The following NUF2 variants were observed in gnomAD, a reference collection of about 807,000 sequenced individuals.
The protein encoded by NUF2 is NUF2 component of NDC80 kinetochore complex, also known as kinetochore protein Nuf2.
A neutral mutation model predicts 61.8 loss-of-function variants in NUF2; 34 were observed. The ratio of observed to expected loss-of-function variants is 0.55; its 90% CI spans 0.42 to 0.73. The LOEUF is 0.73. NUF2 is among the 30% of genes least tolerant of loss of function. The pLI is 0.00. For missense variants in NUF2, 445 were observed against 539.1 expected (o/e 0.83, Z 1.73); for synonymous variants, 172 against 181.6 (o/e 0.95, Z 0.42).
Position 163,328,893 on chromosome 1 carries a change from A to G in NUF2, c.323A>G (p.Asp108Gly). 6.3e-7 allele frequency: 1 copy of G among 1,599,260 alleles called. No homozygotes were observed. Among genetic ancestry groups the G allele is most frequent in the Non-Finnish European group, 8.6e-7 (1 of 1,167,742 alleles). The change falls in exon 5 of 14, where the codon GAT (aspartate) becomes GGT (glycine). Residue 108 changes from aspartate (D) to glycine (G), a missense_variant. Coordinates refer to ENST00000271452, the MANE Select transcript of NUF2 (RefSeq NM_145697.3). ...CGGGTGAATGACTTTGAGACTGCTG[A>G]TATTCTATGTCCAAGTAAGTGAGAA... is the stretch of plus-strand genomic sequence containing the variant. ...ICRVNDFETA[D>G]ILCPKAKRTS...
Position 163,351,807 on chromosome 1 carries a change from G to A in NUF2, c.1260+2727G>A, listed in dbSNP as rs541131907. Reference sequence around the variant, plus strand: ...AATCATCCTTCATGAAAAGAAAAAAGGATATGATTGCCAAATTGTTCTTTG... The same window carrying A: ...AATCATCCTTCATGAAAAGAAAAAAAGATATGATTGCCAAATTGTTCTTTG... On this transcript the variant is annotated intron_variant, in intron 13 of 13. Coordinates refer to ENST00000271452, the MANE Select transcript of NUF2 (RefSeq NM_145697.3). Among the ~76,000 whole-genome samples, 161 of 152,186 alleles carry A rather than the reference G, an allele frequency of 1.1e-3. 1 individual carries two copies. Among genetic ancestry groups the A allele is most frequent in the African/African-American group, 3.6e-3 (151 of 41,520 alleles).
rs144568103 is a variant in NUF2, at chr1:163,338,052, C to T, written c.468C>T (p.Asn156=). ...CTGCGGACAAAATGCAACAGTTAAACGCCGCACACCAGGAGGCATTAATGA... is the reference window on the plus strand; with the variant it reads ...CTGCGGACAAAATGCAACAGTTAAATGCCGCACACCAGGAGGCATTAATGA... ...KSSADKMQQL[N]AAHQEALMKL... is the part of the protein sequence containing the mutation. The change falls in exon 7 of 14, where the codon AAC becomes AAT. Residue 156 remains asparagine, a synonymous_variant. Transcript: ENST00000271452. The T allele has an allele frequency of 4.0e-4, 643 of 1,612,850 alleles. 1 individual carries two copies. Among genetic ancestry groups the T allele is most frequent in the Non-Finnish European group, 5.0e-4 (592 of 1,179,204 alleles).
Position 163,328,863 on chromosome 1 carries a change from T to C in NUF2, c.293T>C (p.Ile98Thr). 1 of 1,608,164 alleles carries C rather than the reference T, an allele frequency of 6.2e-7. No homozygotes were observed. The highest frequency in any genetic ancestry group is 8.5e-7 in the Non-Finnish European group (1 of 1,175,174). The change falls in exon 5 of 14, where the codon ATC becomes ACC. Residue 98 changes from isoleucine (I) to threonine (T), a missense_variant. Ile to Thr is a moderately conservative substitution (Grantham distance 89, BLOSUM62 -1). Coordinates refer to ENST00000271452, the MANE Select transcript of NUF2 (RefSeq NM_145697.3). ...LVTHLDSFLP[I>T]CRVNDFETAD... is the part of the protein sequence containing the mutation. The stretch of plus-strand genomic sequence containing the variant: ...TCTTCAAGGGACTCATTTTTGCCTA[T>C]CTGCCGGGTGAATGACTTTGAGACT...
At chr1:163,324,119 A>G (rs76393624) in intron 1 of NUF2, among the ~76,000 whole-genome samples, 1,577 of 152,352 alleles carry the variant, frequency 0.01, 29 homozygotes, top group African/African-American at 0.03. Context: ...ACAATGTCAT[A>G]TAAGGAGTAT....
intron 5 of NUF2, among the ~76,000 whole-genome samples, chr1:163,334,797 G>T (rs1650702433): frequency 6.6e-6 from 1 of 152,086 alleles, no homozygotes. Context: ...AGGAAAGAAA[G>T]AAAAATGGAT....
At chr1:163,354,289 G>A (rs983025365) in intron 13 of NUF2, among the ~76,000 whole-genome samples, 10 of 152,008 alleles carry the variant, frequency 6.6e-5, no homozygotes, top group African/African-American at 1.9e-4. Flanking sequence ...TTTTGTGTTA[G>A]GATTTAATAA....
At chr1:163,349,899 T>C (rs900664861) in intron 13 of NUF2, among the ~76,000 whole-genome samples, 8 of 151,864 alleles carry the variant, frequency 5.3e-5, no homozygotes, top group African/African-American at 1.7e-4. Context: ...GCCTGCTCTT[T>C]TCTGTTTTTT....
chr1:163,345,286 A>G (rs1651085637), intron 10 of NUF2, among the ~76,000 whole-genome samples: 1 of 152,170 alleles, frequency 6.6e-6, no homozygotes, highest in African/African-American at 2.4e-5. Context: ...TAAAAGAATT[A>G]GCTATAGTAG....
chr1:163,324,452 T>G (rs932598549), intron 1 of NUF2, among the ~76,000 whole-genome samples: 8 of 152,228 alleles, frequency 5.3e-5, no homozygotes, highest in African/African-American at 1.9e-4. Flanking sequence ...TGTTTAGAAT[T>G]GCTTCCATTT....
At chr1:163,352,756 C>G (rs560860530) in intron 13 of NUF2, among the ~76,000 whole-genome samples, 14 of 152,116 alleles carry the variant, frequency 9.2e-5, no homozygotes, top group Non-Finnish European at 1.6e-4. Context: ...GTCCCAGCTA[C>G]TCAGGAAGCT....
intron 11 of NUF2, chr1:163,346,035 A>G (rs1651113244): frequency 8.1e-6 from 3 of 371,592 alleles, no homozygotes; most frequent in Admixed American, 4.3e-5. Flanking sequence ...AATTAATAAT[A>G]ACTAACCCAT....
At chr1:163,354,506 A>C (rs1369069523) in intron 13 of NUF2, among the ~76,000 whole-genome samples, 2 of 152,120 alleles carry the variant, frequency 1.3e-5, no homozygotes, top group African/African-American at 4.8e-5. Context: ...ATTTAAACTA[A>C]GGTAAGTAGT....
At chr1:163,348,277 C>A (rs1203050878) in intron 12 of NUF2, among the ~76,000 whole-genome samples, 1 of 152,104 alleles carries the variant, frequency 6.6e-6, no homozygotes, top group Non-Finnish European at 1.5e-5. Flanking sequence ...ATCTTATAGT[C>A]CAGCTTGTCT....
chr1:163,323,395 T>C (rs1459967539), intron 1 of NUF2, among the ~76,000 whole-genome samples: 3 of 151,722 alleles, frequency 2.0e-5, no homozygotes, highest in Non-Finnish European at 4.4e-5. Flanking sequence ...ACATCTAATA[T>C]GTGATGCATC....
chr1:163,336,819 G>T lies in NUF2; in HGVS notation c.406G>T (p.Glu136Ter). ...NFIHFREACR[E>*]TYMEFLWQYK... ...TATTCACTTCAGAGAAGCATGCCGT[G>T]AAACGTATATGGAATTTCTTTGGCA... Residue 136 changes from glutamate to a stop codon, truncating the protein, a stop_gained, in exon 6 of 14, where the codon GAA (glutamate) becomes TAA (stop). Coordinates refer to ENST00000271452, the MANE Select transcript of NUF2 (RefSeq NM_145697.3). LOFTEE classifies it high-confidence loss of function. 1 of 1,612,120 alleles carries T rather than the reference G, an allele frequency of 6.2e-7. No individual in the cohort carries two copies. The highest frequency in any genetic ancestry group is 1.1e-5 in the South Asian group (1 of 91,024).
intron 13 of NUF2, among the ~76,000 whole-genome samples, chr1:163,350,473 T>G (rs959897472): frequency 2.0e-5 from 3 of 152,164 alleles, no homozygotes; most frequent in Admixed American, 2.0e-4. Flanking sequence ...CTATCAGTCA[T>G]AAGAGATACC....
At chr1:163,348,519 C>A (rs1477318198) in intron 12 of NUF2, among the ~76,000 whole-genome samples, 1 of 152,130 alleles carries the variant, frequency 6.6e-6, no homozygotes, top group Non-Finnish European at 1.5e-5. Flanking sequence ...TTCCTTCATA[C>A]TTCCTCTTGC....
At position 163,355,432 on chromosome 1, in the gene NUF2, C is replaced by A. The variant is rs921062491; in HGVS notation, c.1358C>A (p.Ala453Asp). The change falls in exon 14 of 14, where the codon GCT (alanine) becomes GAT (aspartate). Residue 453 changes from alanine (A) to aspartate (D), a missense_variant. By Grantham distance (126) the Ala-to-Asp change is moderately radical (BLOSUM62 -2). Coordinates refer to ENST00000271452, the MANE Select transcript of NUF2 (RefSeq NM_145697.3). ...DSYAKIDEKT[A>D]ELKRKMFKMS... is the part of the protein sequence containing the mutation. ...TATGCTAAGATAGATGAGAAGACAG[C>A]TGAACTGAAGAGGAAGATGTTCAAA... The A allele has an allele frequency of 3.7e-6, 6 of 1,603,128 alleles. No homozygotes were observed. Among genetic ancestry groups the A allele is most frequent in the Non-Finnish European group, 5.1e-6 (6 of 1,174,400 alleles).
In NUF2 at chr1:163,338,078, A is replaced by C. The variant is rs757559173; in HGVS notation, c.494A>C (p.Lys165Thr). Residue 165 changes from lysine (K) to threonine (T), a missense_variant, in exon 7 of 14, where the codon AAA becomes ACA. Transcript: ENST00000271452. ...GCCGCACACCAGGAGGCATTAATGA[A>C]ACTGGAGAGACTTGAGTAAGTGGGA... ...LNAAHQEALM[K>T]LERLDSVPVE... The C allele has an allele frequency of 2.5e-6, 4 of 1,612,526 alleles. No homozygotes were observed. The Admixed American group carries it at 6.7e-5, about 27-fold the overall frequency.
Sources: gnomAD v4.1 joint callset for allele counts (sites outside exome capture counted in the v4.1 genomes callset) on GRCh38, gnomAD v4.1.1 for gene constraint, MANE v1.5 for transcripts, NCBI Gene and HGNC (gene_info 2026-07-23, HGNC 2026-07-21) for gene names.